The following ADAMTS17 variants were observed in gnomAD, a reference collection of about 807,000 sequenced individuals.
ADAMTS17 encodes A disintegrin and metalloproteinase with thrombospondin motifs 17.
ADAMTS17 carries 113 observed loss-of-function variants against 141.5 expected under a neutral mutation model. The observed-to-expected ratio is 0.80, with a 90% CI of 0.69 to 0.93. The LOEUF (loss-of-function observed/expected upper bound fraction) is 0.93. ADAMTS17 is among the 40% of genes least tolerant of loss of function. The pLI, the probability that ADAMTS17 is intolerant of heterozygous loss-of-function variation, is 0.00. For synonymous variants in ADAMTS17, 768 were observed against 630.6 expected, an observed-to-expected ratio of 1.22 and a Z score of -3.27; for missense variants, 1,659 against 1,517.9, an observed-to-expected ratio of 1.09 and a Z score of -1.54.
At chr15:100,114,152 TTTC>T (rs1165075019) in intron 13 of ADAMTS17, among the ~76,000 whole-genome samples, 3 of 126,126 alleles carry the variant, frequency 2.4e-5, no homozygotes, top group East Asian at 4.4e-4. Flanking sequence ...GCAAGAATTC[TTTC>T]TTCTTTTTTT....
At chr15:100,061,248 G>C (rs971165670) in intron 15 of ADAMTS17, among the ~76,000 whole-genome samples, 2 of 152,194 alleles carry the variant, frequency 1.3e-5, no homozygotes, top group African/African-American at 4.8e-5. Context: ...GAGGCTCCAT[G>C]AACGGCAGCG....
chr15:100,152,554 G>T (rs2039220545), intron 10 of ADAMTS17, 58 bp downstream of exon 10: 7 of 1,605,708 alleles, frequency 4.4e-6, no homozygotes, highest in Non-Finnish European at 5.9e-6. Flanking sequence ...AGCCAGACCT[G>T]CTGTGGGAGG....
At chr15:100,075,651 T>C (rs1338488792) in intron 15 of ADAMTS17, among the ~76,000 whole-genome samples, 2 of 152,254 alleles carry the variant, frequency 1.3e-5, no homozygotes. Flanking sequence ...GTGCCAACTT[T>C]TCCTGGGATA....
chr15:100,242,628 A>C (rs2042861281), intron 7 of ADAMTS17, among the ~76,000 whole-genome samples: 1 of 152,042 alleles, frequency 6.6e-6, no homozygotes, highest in East Asian at 1.9e-4. Context: ...ACCACCCTCA[A>C]ACCCTGCACT....
At position 100,301,815 on chromosome 15, in the gene ADAMTS17, T is replaced by A. The variant is rs547582489; in HGVS notation, c.617-20414A>T. Reference sequence around the variant, plus strand: ...AGCATCTTTTTTTCTCCCACATCCCTTTCCACTTCTGATTTGTCAACATTT... The same window carrying A: ...AGCATCTTTTTTTCTCCCACATCCCATTCCACTTCTGATTTGTCAACATTT... On this transcript the variant is annotated intron_variant, in intron 3 of 21. Transcript: ENST00000268070. Among the ~76,000 whole-genome samples the A allele has an allele frequency of 2.6e-5, 4 of 152,336 alleles. No individual in the cohort carries two copies. The South Asian group carries it at 8.3e-4, about 32-fold the overall frequency.
rs1300117410 is a variant in ADAMTS17 at position 100,063,853 on chromosome 15, C to A, written c.2138-9799G>T. 4 of 842,636 alleles carry A rather than the reference C, an allele frequency of 4.7e-6. No individual in the cohort carries two copies. In the South Asian group the frequency reaches 5.6e-5, roughly 12 times the overall value. 52.2% of individuals were successfully genotyped at this position (842,636 alleles called of 1,614,324 possible). On this transcript the variant is annotated intron_variant, in intron 15 of 21. Transcript: ENST00000268070. ...CGGCCAAAATCTAGCTACCAAGCCC[C>A]CCACAGTGGCTTCAGAAATGGAGGG...
intron 8 of ADAMTS17, among the ~76,000 whole-genome samples, chr15:100,181,802 C>T (rs576890077): frequency 1.3e-5 from 2 of 152,348 alleles, no homozygotes; most frequent in South Asian, 2.1e-4. Context: ...GTGGCACAAG[C>T]ACTCCCTTAG....
chr15:100,313,378 A>G (rs2045463571), intron 3 of ADAMTS17, among the ~76,000 whole-genome samples: 1 of 152,236 alleles, frequency 6.6e-6, no homozygotes, highest in African/African-American at 2.4e-5. Context: ...TTAGAAAACT[A>G]TTTACATAAT....
intron 18 of ADAMTS17, among the ~76,000 whole-genome samples, chr15:100,007,678 A>G (rs2061063473): frequency 6.6e-6 from 1 of 151,954 alleles, no homozygotes; most frequent in Non-Finnish European, 1.5e-5. Context: ...ACTGAGAAGG[A>G]GCACCCGGGG....
intron 4 of ADAMTS17, among the ~76,000 whole-genome samples, chr15:100,272,001 C>A (rs1366432805): frequency 6.9e-6 from 1 of 144,590 alleles, no homozygotes; most frequent in Non-Finnish European, 1.5e-5. Flanking sequence ...GTCTCGGCAT[C>A]CTTACCAAAA....
chr15:100,247,361 C>T (rs1263706604), intron 7 of ADAMTS17, among the ~76,000 whole-genome samples: 1 of 152,308 alleles, frequency 6.6e-6, no homozygotes, highest in South Asian at 2.1e-4. Context: ...ATCTCAAACA[C>T]GACTTGCCAG....
chr15:100,023,464 C>G (rs979465751), intron 18 of ADAMTS17, among the ~76,000 whole-genome samples: 18 of 152,034 alleles, frequency 1.2e-4, no homozygotes, highest in African/African-American at 4.3e-4. Context: ...CCTCGGCCTC[C>G]CAAAGTGGTG....
rs78712373 is a variant in ADAMTS17, at chr15:100,314,824, G to A, written c.616+16065C>T. Reference sequence around the variant, plus strand: ...CTGGGGACAGAGTGGGAGATATGCCGAGTGGGACTGCTCCCAGCTGGAGCC... The same window carrying A: ...CTGGGGACAGAGTGGGAGATATGCCAAGTGGGACTGCTCCCAGCTGGAGCC... On this transcript the variant is annotated intron_variant, in intron 3 of 21. Transcript: ENST00000268070. 7.9e-5 allele frequency among the ~76,000 whole-genome samples: 12 copies of A among 152,296 alleles called. No individual in the cohort carries two copies. The East Asian group carries it at 9.7e-4, about 12-fold the overall frequency.
intron 6 of ADAMTS17, among the ~76,000 whole-genome samples, chr15:100,258,004 G>A (rs2043384070): frequency 6.6e-6 from 1 of 152,200 alleles, no homozygotes; most frequent in South Asian, 2.1e-4. Flanking sequence ...GAATCACGCA[G>A]TATTTGTCCT....
intron 4 of ADAMTS17, among the ~76,000 whole-genome samples, chr15:100,266,365 T>C (rs548738894): frequency 1.3e-5 from 2 of 152,332 alleles, no homozygotes; most frequent in South Asian, 4.1e-4. Flanking sequence ...GCTGGGCGCC[T>C]GGCCCGATGG....
intron 12 of ADAMTS17, chr15:100,128,504 T>C (rs1183129315): frequency 6.6e-6 from 1 of 152,122 alleles, no homozygotes; most frequent in Non-Finnish European, 1.5e-5. Context: ...CCCTCAGCTG[T>C]CTGTGTACCG....
At chr15:100,250,360 G>C (rs930859298) in intron 7 of ADAMTS17, among the ~76,000 whole-genome samples, 3 of 152,158 alleles carry the variant, frequency 2.0e-5, no homozygotes, top group Non-Finnish European at 2.9e-5. Context: ...TCTCACGCTC[G>C]AGCTGGATCC....
At chr15:100,321,100 C>CA (rs35692695) in intron 3 of ADAMTS17, among the ~76,000 whole-genome samples, 83,727 of 151,874 alleles carry the variant, frequency 0.55, 23,406 homozygotes, top group East Asian at 0.77. Flanking sequence ...CGTGTAAAAT[C>CA]AAGATAAAGC....
chr15:100,020,045 G>A (rs2061373760), intron 18 of ADAMTS17, among the ~76,000 whole-genome samples: 1 of 151,528 alleles, frequency 6.6e-6, no homozygotes, highest in South Asian at 2.1e-4. Context: ...AGTTTTCCCA[G>A]GACAGCAGCC....
Sources: allele counts gnomAD v4.1 joint callset (sites outside exome capture counted in the v4.1 genomes callset), GRCh38; gene constraint gnomAD v4.1.1; transcripts MANE v1.5; gene names NCBI Gene and HGNC (gene_info 2026-07-23, HGNC 2026-07-21).